Variants in FBLN1 observed in about 807,000 individuals in gnomAD.
FBLN1 encodes fibulin 1.
FBLN1 carries 34 observed loss-of-function variants against 89.7 expected under a neutral mutation model. The observed-to-expected ratio is 0.38, with a 90% CI of 0.29 to 0.50. The LOEUF is 0.50. Ranked by LOEUF, FBLN1 falls within the 20% of genes least tolerant of loss-of-function variation. The pLI is 0.92. For synonymous variants in FBLN1, 393 were observed against 391.3 expected (o/e 1.00, Z -0.05); for missense variants, 777 against 988.1 (o/e 0.79, Z 2.86).
intron 14 of FBLN1, among the ~76,000 whole-genome samples, chr22:45,569,895 T>C (rs1280468156): frequency 6.6e-6 from 1 of 152,104 alleles, no homozygotes; most frequent in Non-Finnish European, 1.5e-5. Context: ...ACAGCTATTA[T>C]AAGCAAAAAA....
At chr22:45,594,696 AGATGGATGGATGGATG>A (rs201180295) in intron 16 of FBLN1, among the ~76,000 whole-genome samples, 1 of 142,986 alleles carries the variant, frequency 7.0e-6, no homozygotes. Flanking sequence ...ATTGGTGGAT[AGATGGATGGATGGATG>A]GATGGATGGA....
intron 16 of FBLN1, among the ~76,000 whole-genome samples, chr22:45,595,332 G>A (rs557109734): frequency 1.5e-4 from 23 of 152,288 alleles, no homozygotes; most frequent in African/African-American, 5.5e-4. Context: ...TTCCTTGAGC[G>A]CCTGCTGTGT....
At position 45,531,390 on chromosome 22, in the gene FBLN1, C is replaced by T. The variant is rs911789254; in HGVS notation, c.544+66C>T. 1.6e-5 allele frequency: 22 copies of T among 1,417,964 alleles called. No homozygotes were observed. The South Asian group carries it at 2.3e-4, about 15-fold the overall frequency. The allele number at this position is 1,417,964 out of a possible 1,614,324, so 87.8% of individuals were successfully genotyped here. A position where few individuals can be genotyped will look rare whatever the true frequency, so the allele number is the denominator to read the frequency against. ...ACCCCAAGGGGCCAGCAAGGTGGCT[C>T]AGGCCTGTAATCCTAGTACTTTGGG... On this transcript the variant is annotated intron_variant, in intron 5 of 16. Transcript: ENST00000327858. The surrounding 1 kb of genome is among the most constrained non-coding windows in gnomAD (Gnocchi z 4.9).
chr22:45,543,270 A>G, intron 10 of FBLN1, 131 bp from the exon 11 acceptor site: 1 of 1,161,210 alleles, frequency 8.6e-7, no homozygotes, highest in Non-Finnish European at 1.2e-6. Context: ...CATCTCAAAG[A>G]TGAAGGAAAA....
At chr22:45,526,168 TCAGAGAGGCCCAG>T (rs1419768868) in intron 3 of FBLN1, among the ~76,000 whole-genome samples, 1 of 152,170 alleles carries the variant, frequency 6.6e-6, no homozygotes, top group Non-Finnish European at 1.5e-5. Flanking sequence ...AAACTGAGGT[TCAGAGAGGCCCAG>T]CCTCCAAAAT....
At chr22:45,566,364 C>T (rs928502020) in intron 14 of FBLN1, among the ~76,000 whole-genome samples, 2 of 152,204 alleles carry the variant, frequency 1.3e-5, no homozygotes, top group African/African-American at 2.4e-5. Context: ...ATCCCATCGA[C>T]GTTTGCGTGT....
Position 45,596,605 on chromosome 22 carries a change from C to CATATATCAACATAATAATATAAT in FBLN1, c.1973-3702_1973-3701insATATATCAACATAATAATATAAT, listed in dbSNP as rs1569270563. Among the ~76,000 whole-genome samples the CATATATCAACATAATAATATAAT allele has an allele frequency of 8.6e-4, 128 of 148,006 alleles. 1 individual carries two copies. The highest frequency in any genetic ancestry group is 2.9e-3 in the African/African-American group (118 of 40,466). On this transcript the variant is annotated intron_variant, in intron 16 of 16. Transcript: ENST00000327858. The stretch of plus-strand genomic sequence containing the variant: ...ATATATCAACATAAGAATATGATTA[C>CATATATCAACATAATAATATAAT]TATATACATATATCAACATAATAAT...
intron 16 of FBLN1, among the ~76,000 whole-genome samples, chr22:45,599,941 C>T (rs1383136846): frequency 1.3e-5 from 2 of 152,146 alleles, no homozygotes; most frequent in Non-Finnish European, 2.9e-5. Flanking sequence ...AAACAAAAAA[C>T]ACCTGTCAGG....
intron 14 of FBLN1, among the ~76,000 whole-genome samples, chr22:45,573,983 C>CTCG (rs67217167): frequency 1.3e-4 from 1 of 7,678 alleles, no homozygotes; most frequent in South Asian, 4.2e-3. Flanking sequence ...GTAGCCTCTT[C>CTCG]TGCCTCCCCG....
At chr22:45,598,803 G>A (rs541675646) in intron 16 of FBLN1, among the ~76,000 whole-genome samples, 2 of 152,254 alleles carry the variant, frequency 1.3e-5, no homozygotes, top group Non-Finnish European at 2.9e-5. Flanking sequence ...CACAGCTGGA[G>A]CTGATGCCTT....
chr22:45,600,272 T>C (rs2146675003), intron 16 of FBLN1, 35 bp from the exon 17 acceptor site: 1 of 1,614,066 alleles, frequency 6.2e-7, no homozygotes, highest in African/African-American at 1.3e-5. Context: ...TGCAGTCCCT[T>C]CTAACTTCCA....
rs868393749 is a variant in FBLN1 at position 45,574,931 on chromosome 22, G to A, written c.1840+278G>A. On this transcript the variant is annotated intron_variant, in intron 15 of 16. Transcript: ENST00000327858. The surrounding 1 kb of genome is among the most constrained non-coding windows in gnomAD (Gnocchi z 4.1). The stretch of plus-strand genomic sequence containing the variant: ...CGAGTAGCTGGGACTACAGGCGCCC[G>A]CCACCACGCCTGGCTAATCTTTTTG... Among the ~76,000 whole-genome samples, 10 of 151,982 alleles carry A rather than the reference G, an allele frequency of 6.6e-5. No homozygotes were observed. The highest frequency in any genetic ancestry group is 1.9e-4 in the East Asian group (1 of 5,182).
Position 45,562,094 on chromosome 22 carries a change from A to G in FBLN1, c.1697+11479A>G, listed in dbSNP as rs749010981. 2.0e-5 allele frequency among the ~76,000 whole-genome samples: 3 copies of G among 152,144 alleles called. No individual in the cohort carries two copies. The highest frequency in any genetic ancestry group is 4.4e-5 in the Non-Finnish European group (3 of 68,014). On this transcript the variant is annotated intron_variant, in intron 14 of 16. Coordinates refer to ENST00000327858, the MANE Select transcript of FBLN1 (RefSeq NM_006486.3). This position sits in a 1 kb window ranked among gnomAD's most constrained non-coding sequence, Gnocchi z 7.8. ...TCAATACTTTGTATCCTTCAATCCA[A>G]TCAAGTTGACACTATTAACCATCAC... is the stretch of plus-strand genomic sequence containing the variant.
chr22:45,521,412 C>A (rs1219319978), intron 2 of FBLN1, among the ~76,000 whole-genome samples: 2 of 152,214 alleles, frequency 1.3e-5, no homozygotes, highest in African/African-American at 4.8e-5. Context: ...CCCATTGACT[C>A]ATCCCAGTGG....
intron 4 of FBLN1, among the ~76,000 whole-genome samples, chr22:45,528,620 C>T (rs1024559032): frequency 2.6e-5 from 4 of 152,182 alleles, no homozygotes; most frequent in African/African-American, 7.2e-5. Context: ...GCTAGGATTA[C>T]AGGTGTGAGC....
At chr22:45,504,630 G>A (rs1347361834) in intron 1 of FBLN1, among the ~76,000 whole-genome samples, 3 of 152,104 alleles carry the variant, frequency 2.0e-5, no homozygotes, top group Non-Finnish European at 2.9e-5. Flanking sequence ...GAGAGAAGGC[G>A]TGGTAAAACT....
At position 45,528,014 on chromosome 22, in the gene FBLN1, CT is replaced by C. The variant is rs759155538; in HGVS notation, c.484+8del. 1.9e-6 allele frequency: 3 copies of C among 1,614,158 alleles called. No homozygotes were observed. Among genetic ancestry groups the C allele is most frequent in the Non-Finnish European group, 2.5e-6 (3 of 1,180,008 alleles). On this transcript the variant is annotated splice_donor_region_variant and intron_variant, in intron 4 of 16. Coordinates refer to ENST00000327858, the MANE Select transcript of FBLN1 (RefSeq NM_006486.3). ...TCGGGGGCCTCCAAGAAACGGGTAACTTTCCCCCTTCCTTCCCTAATGAGCA... is the reference window on the plus strand; with the variant it reads ...TCGGGGGCCTCCAAGAAACGGGTAACTTCCCCCTTCCTTCCCTAATGAGCA...
Position 45,532,746 on chromosome 22 carries a change from C to A in FBLN1, c.545-317C>A. On this transcript the variant is annotated intron_variant, in intron 5 of 16. Coordinates refer to ENST00000327858, the MANE Select transcript of FBLN1 (RefSeq NM_006486.3). This position sits in a 1 kb window ranked among gnomAD's most constrained non-coding sequence, Gnocchi z 4.2. ...GGCCTTCCACGTGGAGCCCACACCC[C>A]CATGTCTGTGACCGGCAGTGAGCTC... 1 of 453,386 alleles carries A rather than the reference C, an allele frequency of 2.2e-6. No homozygotes were observed. 28.1% of individuals were successfully genotyped at this position (453,386 alleles called of 1,614,324 possible).
At chr22:45,596,438 C>T (rs9626400) in intron 16 of FBLN1, among the ~76,000 whole-genome samples, 3,990 of 152,152 alleles carry the variant, frequency 0.026, 167 homozygotes, top group African/African-American at 0.088. Context: ...GCCAGGCACA[C>T]GTAGCATGCG....
Sources: gnomAD v4.1 joint callset for allele counts (sites outside exome capture counted in the v4.1 genomes callset) on GRCh38, gnomAD v4.1.1 for gene constraint, Gnocchi (gnomAD v3.1) non-coding constraint, MANE v1.5 for transcripts, NCBI Gene and HGNC (gene_info 2026-07-23, HGNC 2026-07-21) for gene names.